The following SLC27A4 variants were observed in gnomAD, a reference collection of about 807,000 sequenced individuals.
SLC27A4 encodes solute carrier family 27 member 4.
A neutral mutation model predicts 64.4 loss-of-function variants in SLC27A4; 33 were observed. The ratio of observed to expected loss-of-function variants is 0.51; its 90% CI spans 0.39 to 0.68. SLC27A4 has a LOEUF of 0.68. SLC27A4 is among the 30% of genes least tolerant of loss of function. The pLI is 0.00. For missense variants in SLC27A4, 824 were observed against 883.5 expected, an observed-to-expected ratio of 0.93 and a Z score of 0.85; for synonymous variants, 377 against 370.0, an observed-to-expected ratio of 1.02 and a Z score of -0.22.
intron 2 of SLC27A4, among the ~76,000 whole-genome samples, 186 bp downstream of exon 2, chr9:128,343,479 G>A (rs997921077): frequency 6.6e-6 from 1 of 152,154 alleles, no homozygotes; most frequent in Non-Finnish European, 1.5e-5. Flanking sequence ...CATCTCCAAG[G>A]TCAAAGTCTT....
Position 128,345,077 on chromosome 9 carries a change from C to T in SLC27A4, c.162-78C>T. The T allele has an allele frequency of 2.5e-6, 4 of 1,583,686 alleles. No individual in the cohort carries two copies. The highest frequency in any genetic ancestry group is 3.4e-6 in the Non-Finnish European group (4 of 1,160,498). On this transcript the variant is annotated intron_variant, in intron 2 of 12. Coordinates refer to ENST00000300456, the MANE Select transcript of SLC27A4 (RefSeq NM_005094.4). The surrounding 1 kb of genome is among the most constrained non-coding windows in gnomAD (Gnocchi z 4.1). ...GCTCATGAAGCATAGGCTGGCGAGGCAGCAGCCTGGGGTAGGGTGTCAGGA... is the reference window on the plus strand; with the variant it reads ...GCTCATGAAGCATAGGCTGGCGAGGTAGCAGCCTGGGGTAGGGTGTCAGGA...
rs779506515 is a variant in SLC27A4, at chr9:128,345,318, G to A, written c.325G>A (p.Glu109Lys). The A allele has an allele frequency of 6.2e-7, 1 of 1,613,892 alleles. No individual in the cohort carries two copies. The highest frequency in any genetic ancestry group is 1.1e-5 in the South Asian group (1 of 91,074). ...DTHWTFRQLD[E>K]YSSSVANFLQ... The stretch of plus-strand genomic sequence containing the variant: ...CCACTGGACCTTCCGCCAGCTGGAT[G>A]AGTACTCAAGCAGTGTAGCCAACTT... Residue 109 changes from glutamate (E) to lysine (K), a missense_variant, in exon 3 of 13, where the codon GAG becomes AAG. Glu to Lys is a moderately conservative substitution (Grantham distance 56). Transcript: ENST00000300456. The surrounding 1 kb of genome is among the most constrained non-coding windows in gnomAD (Gnocchi z 4.1).
intron 3 of SLC27A4, among the ~76,000 whole-genome samples, chr9:128,346,126 C>G (rs1452046277): frequency 6.6e-6 from 1 of 152,086 alleles, no homozygotes; most frequent in African/African-American, 2.4e-5. Flanking sequence ...GTCTCAGACT[C>G]TTGAGTTCAA....
intron 12 of SLC27A4, 68 bp downstream of exon 12, chr9:128,355,864 G>A (rs1353512657): frequency 1.9e-6 from 3 of 1,601,234 alleles, no homozygotes; most frequent in Admixed American, 3.3e-5. Context: ...GAGAGACCCG[G>A]TTGGCTGTTA....
At position 128,355,770 on chromosome 9, in the gene SLC27A4, G is replaced by A. The variant is rs137853135; in HGVS notation, c.1748G>A (p.Arg583His). 12 of 1,613,434 alleles carry A rather than the reference G, an allele frequency of 7.4e-6. No individual in the cohort carries two copies. Among genetic ancestry groups the A allele is most frequent in the East Asian group, 4.5e-5 (2 of 44,886 alleles). The change falls in exon 12 of 13, where the codon CGC becomes CAC. Residue 583 changes from arginine (R) to histidine (H), a missense_variant. Transcript: ENST00000300456. ...LPLYARPIFL[R>H]LLPELHKTGT... ...CTGTATGCGCGCCCCATCTTCCTGCGCCTCCTGCCTGAGCTGCACAAAACA... is the reference window on the plus strand; with the variant it reads ...CTGTATGCGCGCCCCATCTTCCTGCACCTCCTGCCTGAGCTGCACAAAACA...
chr9:128,354,513 G>T (rs1047894585), intron 9 of SLC27A4, among the ~76,000 whole-genome samples: 8 of 152,138 alleles, frequency 5.3e-5, no homozygotes, highest in African/African-American at 1.9e-4. Context: ...TCCCCAAGGA[G>T]CCTGACTTAT....
At chr9:128,355,596 A>G in intron 11 of SLC27A4, 34 bp downstream of exon 11, 1 of 1,607,218 alleles carries the variant, frequency 6.2e-7, no homozygotes, top group Non-Finnish European at 8.5e-7. Context: ...GTGGGTAGGG[A>G]GGCACCACCC....
At chr9:128,342,098 TC>T in intron 1 of SLC27A4, 2 of 722,822 alleles carry the variant, frequency 2.8e-6, no homozygotes. Context: ...ACCCTGGATG[TC>T]AGAAGAGTGA....
At chr9:128,344,675 C>A (rs1832626686) in intron 2 of SLC27A4, among the ~76,000 whole-genome samples, 1 of 152,148 alleles carries the variant, frequency 6.6e-6, no homozygotes, top group Admixed American at 6.5e-5. Flanking sequence ...GGGAGGAAGA[C>A]TGGACAGACC....
Position 128,360,788 on chromosome 9 carries a change from A to G in SLC27A4, c.*297A>G. 2.3e-6 allele frequency: 1 copy of G among 438,232 alleles called. No homozygotes were observed. The allele number at this position is 438,232 out of a possible 1,614,324, so 27.1% of individuals were successfully genotyped here. A position where few individuals can be genotyped will look rare whatever the true frequency, so the allele number is the denominator to read the frequency against. On this transcript the variant is annotated 3_prime_UTR_variant, in exon 13 of 13. Coordinates refer to ENST00000300456, the MANE Select transcript of SLC27A4 (RefSeq NM_005094.4). ...TGTCTTGGGTGAGGGTAGGGAGAGG[A>G]CAAGGGGTCACCGAGCCCTTCCCAG... is the stretch of plus-strand genomic sequence containing the variant.
rs1337991577 is a variant in SLC27A4 at position 128,355,536 on chromosome 9, T to C, written c.1601T>C (p.Val534Ala). Residue 534 changes from valine (V) to alanine (A), a missense_variant, in exon 11 of 13, where the codon GTG (valine) becomes GCG (alanine). By Grantham distance (64) the Val-to-Ala change is moderately conservative. Transcript: ENST00000300456. ...AGCCGCCTGCTGGACATGGCTGACGTGGCCGTGTATGGTGTCGAGGTGCCA... is the reference window on the plus strand; with the variant it reads ...AGCCGCCTGCTGGACATGGCTGACGCGGCCGTGTATGGTGTCGAGGTGCCA... The part of the protein sequence containing the change: ...TLSRLLDMAD[V>A]AVYGVEVPGT... 6.2e-7 allele frequency: 1 copy of C among 1,612,050 alleles called. No individual in the cohort carries two copies. Among genetic ancestry groups the C allele is most frequent in the Non-Finnish European group, 8.5e-7 (1 of 1,179,992 alleles).
intron 12 of SLC27A4, among the ~76,000 whole-genome samples, chr9:128,358,240 G>GT (rs1464150375): frequency 6.6e-6 from 1 of 152,186 alleles, no homozygotes; most frequent in East Asian, 1.9e-4. Context: ...TCACCCACGT[G>GT]TCTGGCTCTC....
Position 128,340,640 on chromosome 9 carries a change from G to C in SLC27A4, c.-205G>C, listed in dbSNP as rs912920946. The stretch of plus-strand genomic sequence containing the variant: ...CAGGTTTGGGGTGCGGGAGGCGGGC[G>C]GGGTAGGAGCGCGGCGGGCGGGGCC... On this transcript the variant is annotated 5_prime_UTR_variant, in exon 1 of 13. Coordinates refer to ENST00000300456, the MANE Select transcript of SLC27A4 (RefSeq NM_005094.4). The C allele has an allele frequency of 1.5e-4, 48 of 315,030 alleles. No homozygotes were observed. The highest frequency in any genetic ancestry group is 1.0e-3 in the African/African-American group (47 of 45,304). The allele number at this position is 315,030 out of a possible 1,614,324, so 19.5% of individuals were successfully genotyped here.
In SLC27A4 at chr9:128,345,306, C is replaced by T. The variant is rs369725225; in HGVS notation, c.313C>T (p.Arg105Cys). ...GGGCACAGATACCCACTGGACCTTC[C>T]GCCAGCTGGATGAGTACTCAAGCAG... ...FEGTDTHWTFRQLDEYSSSVA... is the reference protein window; with the variant it reads ...FEGTDTHWTFCQLDEYSSSVA... The change falls in exon 3 of 13, where the codon CGC becomes TGC. Residue 105 changes from arginine (R) to cysteine (C), a missense_variant. Arg to Cys is a radical substitution (Grantham distance 180, BLOSUM62 -3). Coordinates refer to ENST00000300456, the MANE Select transcript of SLC27A4 (RefSeq NM_005094.4). The surrounding 1 kb of genome is among the most constrained non-coding windows in gnomAD (Gnocchi z 4.1). The T allele has an allele frequency of 1.0e-4, 164 of 1,613,788 alleles. No individual in the cohort carries two copies. The highest frequency in any genetic ancestry group is 1.3e-4 in the Non-Finnish European group (157 of 1,180,020).
chr9:128,358,666 C>G (rs901075392), intron 12 of SLC27A4, among the ~76,000 whole-genome samples: 1 of 152,150 alleles, frequency 6.6e-6, no homozygotes, highest in Admixed American at 6.5e-5. Flanking sequence ...AGGCTGGTCT[C>G]GAACTCCTGA....
intron 12 of SLC27A4, 123 bp downstream of exon 12, chr9:128,355,919 C>T: frequency 7.6e-7 from 1 of 1,313,160 alleles, no homozygotes; most frequent in East Asian, 2.3e-5. Context: ...GTAAAGTGAC[C>T]TGCCTGTGTA....
chr9:128,355,214 C>G, intron 10 of SLC27A4, 24 bp downstream of exon 10: 1 of 1,611,528 alleles, frequency 6.2e-7, no homozygotes. Flanking sequence ...CCTTCACAGC[C>G]CCTTCCTGAG....
At position 128,345,189 on chromosome 9, in the gene SLC27A4, G is replaced by T. The variant is rs1564398904; in HGVS notation, c.196G>T (p.Val66Leu). 2 of 1,613,502 alleles carry T rather than the reference G, an allele frequency of 1.2e-6. No homozygotes were observed. The highest frequency in any genetic ancestry group is 8.5e-7 in the Non-Finnish European group (1 of 1,180,026). The change falls in exon 3 of 13, where the codon GTG becomes TTG. Residue 66 changes from valine (V) to leucine (L), a missense_variant. Transcript: ENST00000300456. This position sits in a 1 kb window ranked among gnomAD's most constrained non-coding sequence, Gnocchi z 4.1. ...GLVLLKVKAK[V>L]RQCLQERRTV... ...GGTCCTCCTGAAGGTGAAGGCAAAG[G>T]TGCGACAGTGCCTGCAGGAGCGGCG...
chr9:128,352,985 C>A, intron 7 of SLC27A4, 40 bp from the exon 8 acceptor site: 1 of 1,544,406 alleles, frequency 6.5e-7, no homozygotes, highest in Non-Finnish European at 8.9e-7. Flanking sequence ...GTAGTGAGGG[C>A]AGCCTCTGGA....
Sources: allele counts gnomAD v4.1 joint callset (sites outside exome capture counted in the v4.1 genomes callset), GRCh38; gene constraint gnomAD v4.1.1; non-coding constraint Gnocchi (gnomAD v3.1); transcripts MANE v1.5; gene names NCBI Gene and HGNC (gene_info 2026-07-23, HGNC 2026-07-21).